Variants in XRCC5 observed in about 807,000 individuals in gnomAD.
XRCC5 encodes X-ray repair cross complementing 5.
Under a neutral mutation model 95.7 loss-of-function variants are expected in XRCC5, and 12 were observed. The ratio of observed to expected loss-of-function variants is 0.13; its 90% CI spans 0.08 to 0.20. The LOEUF (loss-of-function observed/expected upper bound fraction) is 0.20. Ranked by LOEUF, XRCC5 falls within the 10% of genes least tolerant of loss-of-function variation. XRCC5 has a pLI of 1.00. For synonymous variants in XRCC5, 281 were observed against 290.3 expected (o/e 0.97, Z 0.33); for missense variants, 595 against 873.9 (o/e 0.68, Z 4.02).
At chr2:216,165,142 T>C (rs1689031525) in intron 16 of XRCC5, among the ~76,000 whole-genome samples, 1 of 152,226 alleles carries the variant, frequency 6.6e-6, no homozygotes, top group Non-Finnish European at 1.5e-5. Context: ...CTCTTTCAAA[T>C]ACTGGATTTT....
intron 14 of XRCC5, chr2:216,156,387 T>A: frequency 6.2e-6 from 5 of 802,836 alleles, no homozygotes; most frequent in Non-Finnish European, 8.6e-6. Context: ...ACCCTTCAAT[T>A]TAAGTGCTTG....
At chr2:216,141,412 C>CT in intron 13 of XRCC5, 93 bp downstream of exon 13, 3 of 1,369,422 alleles carry the variant, frequency 2.2e-6, no homozygotes, top group Non-Finnish European at 3.0e-6. Flanking sequence ...AAATAAATGT[C>CT]TTTTTTCTCT....
intron 14 of XRCC5, 79 bp from the exon 15 acceptor site, chr2:216,159,989 T>G: frequency 6.2e-6 from 4 of 640,226 alleles, no homozygotes; most frequent in Admixed American, 3.1e-5. Flanking sequence ...TTTTTTTTGG[T>G]GCTTGGAAAA....
At chr2:216,193,973 C>A (rs769831608) in intron 18 of XRCC5, among the ~76,000 whole-genome samples, 1 of 152,192 alleles carries the variant, frequency 6.6e-6, no homozygotes, top group Non-Finnish European at 1.5e-5. Context: ...TAGACATGCC[C>A]CTTGGTGAAG....
chr2:216,185,916 C>A (rs1321103246), intron 16 of XRCC5, among the ~76,000 whole-genome samples: 1 of 152,114 alleles, frequency 6.6e-6, no homozygotes, highest in East Asian at 1.9e-4. Context: ...TGAGCCATTG[C>A]GACTGGCCAT....
At chr2:216,200,582 A>G (rs530932038) in intron 19 of XRCC5, among the ~76,000 whole-genome samples, 10 of 152,314 alleles carry the variant, frequency 6.6e-5, no homozygotes, top group African/African-American at 2.4e-4. Context: ...GTGCAACTTG[A>G]TGAATTCTTA....
chr2:216,137,679 C>T (rs967368869), intron 11 of XRCC5, among the ~76,000 whole-genome samples: 13 of 151,986 alleles, frequency 8.6e-5, no homozygotes, highest in African/African-American at 2.9e-4. Context: ...CTTTGTGAAA[C>T]GGTTTATTTA....
intron 12 of XRCC5, 137 bp downstream of exon 12, chr2:216,138,316 A>T (rs1300894485): frequency 1.4e-6 from 1 of 733,988 alleles, no homozygotes. Context: ...ACTTAGACAC[A>T]GTAATGATGA....
intron 14 of XRCC5, among the ~76,000 whole-genome samples, chr2:216,152,384 T>C (rs1236198136): frequency 1.3e-5 from 2 of 151,674 alleles, no homozygotes; most frequent in Non-Finnish European, 2.9e-5. Context: ...AGGTTTGCAG[T>C]GGGCTGAGAT....
chr2:216,156,801 C>A, intron 14 of XRCC5: 2 of 479,552 alleles, frequency 4.2e-6, no homozygotes, highest in South Asian at 1.5e-5. Context: ...ACAATCCTGT[C>A]CAGTAGCCAT....
In XRCC5 at chr2:216,205,240, G is replaced by T; in HGVS notation, c.*38G>T. The T allele has an allele frequency of 1.2e-6, 2 of 1,613,678 alleles. No homozygotes were observed. Among genetic ancestry groups the T allele is most frequent in the Non-Finnish European group, 1.7e-6 (2 of 1,179,612 alleles). ...TGGGGAATCTAAGAGAGCTGCCATC[G>T]CTGTGATGCTGGGAGTTCTAACAAA... On this transcript the variant is annotated 3_prime_UTR_variant, in exon 21 of 21. Coordinates refer to ENST00000392132, the MANE Select transcript of XRCC5 (RefSeq NM_021141.4).
intron 16 of XRCC5, among the ~76,000 whole-genome samples, chr2:216,176,934 TC>T (rs1689288972): frequency 6.6e-6 from 1 of 152,254 alleles, no homozygotes; most frequent in Non-Finnish European, 1.5e-5. Context: ...TATTCTAATG[TC>T]TTTCATGATT....
intron 16 of XRCC5, among the ~76,000 whole-genome samples, chr2:216,164,016 T>C (rs1042792335): frequency 1.7e-4 from 26 of 152,186 alleles, no homozygotes; most frequent in Admixed American, 1.7e-3. Context: ...TTTTCTAGGA[T>C]TGGTGAAAAC....
chr2:216,198,166 G>A (rs1689766206), intron 19 of XRCC5, among the ~76,000 whole-genome samples: 2 of 152,214 alleles, frequency 1.3e-5, no homozygotes, highest in Admixed American at 6.5e-5. Flanking sequence ...TAAAATGCAC[G>A]TTCCTTTGCA....
intron 5 of XRCC5, 62 bp from the exon 6 acceptor site, chr2:216,122,000 C>T: frequency 7.1e-7 from 1 of 1,404,110 alleles, no homozygotes; most frequent in Non-Finnish European, 9.5e-7. Context: ...CTCATTTTCT[C>T]ATAGCTGATG....
At chr2:216,159,940 C>T (rs1688918274) in intron 14 of XRCC5, 128 bp from the exon 15 acceptor site, 3 of 560,730 alleles carry the variant, frequency 5.4e-6, no homozygotes, top group Non-Finnish European at 8.9e-6. Context: ...TCTTTTTCTT[C>T]TTCATTATTT....
intron 19 of XRCC5, among the ~76,000 whole-genome samples, chr2:216,199,686 T>G (rs1043008107): frequency 7.9e-5 from 12 of 152,168 alleles, no homozygotes; most frequent in African/African-American, 1.9e-4. Flanking sequence ...TAAAGTGATG[T>G]GTCTGAGAGC....
chr2:216,148,017 T>C, intron 13 of XRCC5, 66 bp from the exon 14 acceptor site: 1 of 1,512,472 alleles, frequency 6.6e-7, no homozygotes, highest in South Asian at 1.2e-5. Flanking sequence ...GGATCCCTGA[T>C]CAGAAAATAT....
chr2:216,138,008 C>G lies in XRCC5; in HGVS notation c.1252-81C>G, dbSNP rs527596655. 29 of 1,231,254 alleles carry G rather than the reference C, an allele frequency of 2.4e-5. No homozygotes were observed. The South Asian group carries it at 3.3e-4, about 14-fold the overall frequency. 76.3% of individuals were successfully genotyped at this position (1,231,254 alleles called of 1,614,324 possible). ...TTTTTGAAATATTTCTGTTATGCTA[C>G]TTTCACAGAATTTGGGATCAGTTTT... On this transcript the variant is annotated intron_variant, in intron 11 of 20. Coordinates refer to ENST00000392132, the MANE Select transcript of XRCC5 (RefSeq NM_021141.4).
Sources: gnomAD v4.1 joint callset for allele counts (sites outside exome capture counted in the v4.1 genomes callset) on GRCh38, gnomAD v4.1.1 for gene constraint, MANE v1.5 for transcripts, NCBI Gene and HGNC (gene_info 2026-07-23, HGNC 2026-07-21) for gene names.